Variants in COL4A5 observed in about 807,000 individuals in gnomAD.
COL4A5 encodes the protein collagen alpha-5(IV) chain.
COL4A5 carries 26 observed loss-of-function variants against 130.2 expected under a neutral mutation model. The ratio of observed to expected loss-of-function variants is 0.20; its 90% CI spans 0.15 to 0.28. The LOEUF is 0.28. Among genes scored for constraint, COL4A5 ranks in the 10% least tolerant of loss-of-function variants. The probability of loss-of-function intolerance (pLI) is 1.00; values close to 1 mark genes in which losing one functional copy is unlikely to be tolerated. For missense variants in COL4A5, 1,131 were observed against 1,344.3 expected (o/e 0.84, Z 2.48); for synonymous variants, 496 against 439.6 (o/e 1.13, Z -1.60).
At chrX:108,645,786 T>G (rs2067571139) in intron 36 of COL4A5, among the ~76,000 whole-genome samples, 1 of 99,590 alleles carries the variant, frequency 1.0e-5, no homozygotes, top group African/African-American at 3.7e-5. Flanking sequence ...TGTGTCCATG[T>G]GTTCTCACTG....
At position 108,582,895 on chromosome X, in the gene COL4A5, T is replaced by G; in HGVS notation, c.948T>G (p.Gly316=). The change falls in exon 17 of 53, where the codon GGT becomes GGG. Residue 316 remains glycine, a synonymous_variant. Coordinates refer to ENST00000328300, the MANE Select transcript of COL4A5 (RefSeq NM_033380.3). ...TCTATGTTTTAAAGGGTTTGCCTGG[T>G]GATCCTGGTTACCCTGGTGAACCCG... ...NGQPGIPGLP[G]DPGYPGEPGR... 1 of 1,205,932 alleles carries G rather than the reference T, an allele frequency of 8.3e-7. No individual in the cohort carries two copies. Among genetic ancestry groups the G allele is most frequent in the Non-Finnish European group, 1.1e-6 (1 of 890,404 alleles).
chrX:108,523,364 A>C (rs780263950), intron 1 of COL4A5, among the ~76,000 whole-genome samples: 11 of 111,581 alleles, frequency 9.9e-5, no homozygotes, highest in Non-Finnish European at 1.7e-4. Flanking sequence ...CCCTCAGTGA[A>C]TGTCCTTGGC....
intron 2 of COL4A5, among the ~76,000 whole-genome samples, chrX:108,546,337 G>A (rs1280714163): frequency 8.9e-6 from 1 of 111,771 alleles, no homozygotes; most frequent in Non-Finnish European, 1.9e-5. Flanking sequence ...TTGCTTGTCT[G>A]TAAAGGATTT....
chrX:108,543,584 G>T (rs1000136763), intron 2 of COL4A5, among the ~76,000 whole-genome samples: 2 of 111,234 alleles, frequency 1.8e-5, no homozygotes, highest in African/African-American at 6.5e-5. Context: ...CTGACTTGGC[G>T]ATGCAGGCTC....
intron 40 of COL4A5, among the ~76,000 whole-genome samples, chrX:108,667,384 C>T (rs375647507): frequency 9.0e-5 from 10 of 110,869 alleles, no homozygotes; most frequent in South Asian, 7.4e-4. Context: ...TGTATCCTTA[C>T]GGAAATTTAC....
At chrX:108,470,200 C>A (rs2064751561) in intron 1 of COL4A5, among the ~76,000 whole-genome samples, 1 of 112,275 alleles carries the variant, frequency 8.9e-6, no homozygotes, top group African/African-American at 3.2e-5. Flanking sequence ...GTTTTAAGTT[C>A]TTTGAGAAAT....
chrX:108,597,341 TC>T, intron 23 of COL4A5, 35 bp from the exon 24 acceptor site: 1 of 1,158,763 alleles, frequency 8.6e-7, no homozygotes, highest in Middle Eastern at 2.5e-4. Flanking sequence ...TTCTTCTTTT[TC>T]CACTCTTTTT....
intron 18 of COL4A5, among the ~76,000 whole-genome samples, chrX:108,585,189 A>T (rs192833537): frequency 6.8e-4 from 76 of 111,929 alleles, no homozygotes; most frequent in Non-Finnish European, 1.2e-3. Flanking sequence ...CTTTGGTTGA[A>T]ATTTAGTAAG....
chrX:108,620,044 G>A (rs918852250), intron 30 of COL4A5, among the ~76,000 whole-genome samples: 2 of 112,219 alleles, frequency 1.8e-5, no homozygotes, highest in Admixed American at 1.9e-4. Context: ...CCTTTTGCCA[G>A]AAATAATTTG....
At chrX:108,665,667 C>A in intron 38 of COL4A5, 80 bp downstream of exon 38, 1 of 671,773 alleles carries the variant, frequency 1.5e-6, no homozygotes, top group Non-Finnish European at 2.4e-6. Flanking sequence ...AAATCATGTT[C>A]AGCTGTGAAC....
chrX:108,552,435 A>G (rs1310526211), intron 2 of COL4A5, among the ~76,000 whole-genome samples: 1 of 111,847 alleles, frequency 8.9e-6, no homozygotes, highest in Non-Finnish European at 1.9e-5. Context: ...ATTTGGGAAT[A>G]TTATGAATAA....
intron 1 of COL4A5, chrX:108,463,023 A>G (rs1228085001): frequency 8.9e-6 from 1 of 111,862 alleles, no homozygotes; most frequent in Non-Finnish European, 1.9e-5. Context: ...ACCTTTTTCC[A>G]CTTATATTTG....
chrX:108,460,656 ATTTTTT>A (rs751991149), intron 1 of COL4A5, among the ~76,000 whole-genome samples: 41 of 39,450 alleles, frequency 1.0e-3, no homozygotes, highest in Admixed American at 3.1e-3. Context: ...CGCCTGGCAA[ATTTTTT>A]TTTTTTTTTT....
intron 49 of COL4A5, chrX:108,689,378 A>G (rs1486278048): frequency 5.3e-6 from 4 of 749,413 alleles, no homozygotes; most frequent in South Asian, 6.8e-5. Context: ...AGGAACCATT[A>G]TAAGTTTTGA....
At chrX:108,551,806 A>G (rs747542517) in intron 2 of COL4A5, among the ~76,000 whole-genome samples, 2 of 112,111 alleles carry the variant, frequency 1.8e-5, no homozygotes, top group Non-Finnish European at 3.8e-5. Context: ...AGATGGAATC[A>G]ACCTAGATGC....
At chrX:108,472,539 T>C (rs2064783822) in intron 1 of COL4A5, among the ~76,000 whole-genome samples, 1 of 112,151 alleles carries the variant, frequency 8.9e-6, no homozygotes, top group Non-Finnish European at 1.9e-5. Flanking sequence ...ATAATTGTTA[T>C]ATGTTGACGA....
chrX:108,508,864 A>G (rs986169191), intron 1 of COL4A5, among the ~76,000 whole-genome samples: 5 of 112,164 alleles, frequency 4.5e-5, no homozygotes, highest in Non-Finnish European at 9.4e-5. Context: ...CCATAAGCAG[A>G]AGATTGAAAT....
chrX:108,667,103 T>G (rs1182892945), intron 39 of COL4A5, 30 bp from the exon 40 acceptor site: 1 of 1,192,175 alleles, frequency 8.4e-7, no homozygotes, highest in South Asian at 1.8e-5. Context: ...CACTTGAGTT[T>G]TTGTTTTGTT....
chrX:108,473,374 A>G (rs2064793408), intron 1 of COL4A5, among the ~76,000 whole-genome samples: 2 of 107,219 alleles, frequency 1.9e-5, no homozygotes, highest in South Asian at 8.2e-4. Context: ...TATTGTTATC[A>G]TAGGAGGTGA....
Sources: allele counts gnomAD v4.1 joint callset (sites outside exome capture counted in the v4.1 genomes callset), GRCh38; gene constraint gnomAD v4.1.1; transcripts MANE v1.5; gene names NCBI Gene and HGNC (gene_info 2026-07-23, HGNC 2026-07-21).